Variants in MYOM2 observed in about 807,000 individuals in gnomAD.
The protein encoded by MYOM2 is myomesin 2.
MYOM2 carries 254 observed loss-of-function variants against 187.6 expected under a neutral mutation model. That is an observed-to-expected ratio of 1.35 (90% confidence interval 1.22 to 1.50). The LOEUF is 1.50. Among genes scored for constraint, MYOM2 ranks in the 40% most tolerant of loss-of-function variants. The pLI is 0.00. For missense variants in MYOM2, 2,796 were observed against 1,924.0 expected, an observed-to-expected ratio of 1.45 and a Z score of -8.48; for synonymous variants, 981 against 753.8, an observed-to-expected ratio of 1.30 and a Z score of -4.94.
At chr8:2,137,125 C>T (rs3779823) in intron 32 of MYOM2, among the ~76,000 whole-genome samples, 44,666 of 150,458 alleles carry the variant, frequency 0.3, 6,858 homozygotes, top group East Asian at 0.41. Flanking sequence ...TTCGTCTATA[C>T]ATCTAGGATG....
chr8:2,070,799 T>C (rs570450975), intron 8 of MYOM2, among the ~76,000 whole-genome samples: 8 of 152,330 alleles, frequency 5.3e-5, no homozygotes, highest in Non-Finnish European at 1.0e-4. Flanking sequence ...ACATTAACCA[T>C]TGTACATAAC....
At chr8:2,125,494 T>A (rs963750856) in intron 31 of MYOM2, among the ~76,000 whole-genome samples, 12 of 152,178 alleles carry the variant, frequency 7.9e-5, no homozygotes, top group African/African-American at 2.4e-4. Context: ...TCTGTAACTA[T>A]ATATTTTGAA....
chr8:2,099,581 G>A (rs1017397546), intron 19 of MYOM2, among the ~76,000 whole-genome samples: 2 of 152,104 alleles, frequency 1.3e-5, no homozygotes, highest in Admixed American at 1.3e-4. Context: ...TATTTAGCTC[G>A]CACTCTACTG....
chr8:2,121,382 C>T (rs1001095518), intron 28 of MYOM2, among the ~76,000 whole-genome samples: 1 of 152,070 alleles, frequency 6.6e-6, no homozygotes, highest in Non-Finnish European at 1.5e-5. Flanking sequence ...TCCATGGGCT[C>T]TGATATCATC....
At chr8:2,142,730 C>A (rs1232464053) in intron 35 of MYOM2, among the ~76,000 whole-genome samples, 2 of 1,084 alleles carry the variant, frequency 1.8e-3, no homozygotes, top group Non-Finnish European at 8.6e-3. Flanking sequence ...CCCTCCCTCC[C>A]TTCCTCCCTT....
intron 31 of MYOM2, among the ~76,000 whole-genome samples, chr8:2,125,635 G>T (rs532773679): frequency 5.8e-4 from 66 of 113,180 alleles, no homozygotes; most frequent in African/African-American, 1.9e-3. Context: ...TTGAGACGGA[G>T]TCTTTCCCTG....
chr8:2,083,972 T>C (rs749712547), intron 13 of MYOM2, among the ~76,000 whole-genome samples: 1 of 152,254 alleles, frequency 6.6e-6, no homozygotes, highest in African/African-American at 2.4e-5. Flanking sequence ...GATGCTGCTG[T>C]CAGCGGCTCA....
chr8:2,064,645 G>A (rs560279783), intron 6 of MYOM2, among the ~76,000 whole-genome samples: 5 of 152,310 alleles, frequency 3.3e-5, no homozygotes, highest in East Asian at 1.9e-4. Flanking sequence ...GTGCTAATGC[G>A]CGAGGTTGCA....
At chr8:2,096,794 C>A (rs571425665) in intron 18 of MYOM2, among the ~76,000 whole-genome samples, 220 of 152,258 alleles carry the variant, frequency 1.4e-3, no homozygotes, top group African/African-American at 5.2e-3. Context: ...GAGGGTCACG[C>A]TGAATGTCTG....
chr8:2,116,362 A>T, intron 27 of MYOM2, 87 bp downstream of exon 27: 1 of 1,307,960 alleles, frequency 7.6e-7, no homozygotes, highest in Non-Finnish European at 1.1e-6. Context: ...ATCTTGCATG[A>T]TCCCAAGCAA....
At chr8:2,124,930 A>G (rs1219569996) in intron 31 of MYOM2, among the ~76,000 whole-genome samples, 1 of 151,912 alleles carries the variant, frequency 6.6e-6, no homozygotes, top group African/African-American at 2.4e-5. Context: ...CCCATTTTTA[A>G]TGGGTTATTT....
At chr8:2,045,950 C>G (rs1818299030) in intron 1 of MYOM2, among the ~76,000 whole-genome samples, 1 of 152,212 alleles carries the variant, frequency 6.6e-6, no homozygotes. Flanking sequence ...ACATTCCTTT[C>G]TTACTAAGTA....
chr8:2,127,405 A>G (rs1350771393), intron 31 of MYOM2, among the ~76,000 whole-genome samples: 1 of 152,080 alleles, frequency 6.6e-6, no homozygotes, highest in Non-Finnish European at 1.5e-5. Flanking sequence ...TGGCTTTCTT[A>G]GCCCCGCACA....
At chr8:2,098,351 C>T (rs1405368775) in intron 18 of MYOM2, among the ~76,000 whole-genome samples, 1 of 152,076 alleles carries the variant, frequency 6.6e-6, no homozygotes. Context: ...CCCCAGACTG[C>T]AGCACCCCAG....
intron 1 of MYOM2, among the ~76,000 whole-genome samples, chr8:2,050,459 T>A (rs1390347768): frequency 6.6e-6 from 1 of 152,250 alleles, no homozygotes; most frequent in Middle Eastern, 3.2e-3. Context: ...AACTTTGCCC[T>A]GAACACACCA....
rs113540997 is a variant in MYOM2 at position 2,136,030 on chromosome 8, G to C, written c.3801-4693G>C. Among the ~76,000 whole-genome samples, 217 of 152,334 alleles carry C rather than the reference G, an allele frequency of 1.4e-3. 1 individual carries two copies. In the Middle Eastern group the frequency reaches 0.024, roughly 17 times the overall value. On this transcript the variant is annotated intron_variant, in intron 32 of 36. Transcript: ENST00000262113. Reference sequence around the variant, plus strand: ...AGACGCAGGGACAGCGGGAGCCTCTGCTGGAAGCTCTGCTAATGGCTGTCC... The same window carrying C: ...AGACGCAGGGACAGCGGGAGCCTCTCCTGGAAGCTCTGCTAATGGCTGTCC...
intron 27 of MYOM2, among the ~76,000 whole-genome samples, chr8:2,117,538 G>A (rs934413210): frequency 1.3e-5 from 2 of 152,068 alleles, no homozygotes; most frequent in Non-Finnish European, 1.5e-5. Flanking sequence ...TATACTTTGG[G>A]AAACAAAATA....
intron 20 of MYOM2, among the ~76,000 whole-genome samples, chr8:2,101,304 G>C (rs1796701746): frequency 6.6e-6 from 1 of 152,234 alleles, no homozygotes; most frequent in African/African-American, 2.4e-5. Flanking sequence ...GGTGAGCTGA[G>C]ACTGAGTCAC....
At chr8:2,048,161 CAT>C (rs1818369286) in intron 1 of MYOM2, among the ~76,000 whole-genome samples, 1 of 152,240 alleles carries the variant, frequency 6.6e-6, no homozygotes, top group African/African-American at 2.4e-5. Flanking sequence ...TGTGATGACA[CAT>C]GAGCCCCTGC....
Sources: gnomAD v4.1 joint callset for allele counts (sites outside exome capture counted in the v4.1 genomes callset) on GRCh38, gnomAD v4.1.1 for gene constraint, MANE v1.5 for transcripts, NCBI Gene and HGNC (gene_info 2026-07-23, HGNC 2026-07-21) for gene names.